BCAS1: variants seen among roughly 807,000 people sequenced by gnomAD.
The protein encoded by BCAS1 is brain enriched myelin associated protein 1, also known as breast carcinoma-amplified sequence 1.
A neutral mutation model predicts 65.4 loss-of-function variants in BCAS1; 46 were observed. The observed-to-expected ratio is 0.70, with a 90% confidence interval of 0.55 to 0.90. BCAS1 has a LOEUF of 0.90. Ranked by LOEUF, BCAS1 falls within the 40% of genes least tolerant of loss-of-function variation. BCAS1 has a pLI of 0.00. For missense variants in BCAS1, 793 were observed against 771.2 expected, an observed-to-expected ratio of 1.03 and a Z score of -0.33; for synonymous variants, 298 against 293.5, an observed-to-expected ratio of 1.02 and a Z score of -0.16.
Position 54,068,375 on chromosome 20 carries a change from A to G in BCAS1, c.-6+2058T>C, listed in dbSNP as rs559483895. On this transcript the variant is annotated intron_variant, in intron 1 of 12. Transcript: ENST00000688948. ...AGGTAATTTTAATTGGAGGCTTACT[A>G]TGTGCCAGGCAGCACCAGGGTGAGC... 5.2e-4 allele frequency: 81 copies of G among 154,536 alleles called. 1 individual carries two copies. The South Asian group carries it at 0.015, about 28-fold the overall frequency. 9.6% of individuals were successfully genotyped at this position (154,536 alleles called of 1,614,324 possible).
intron 10 of BCAS1, among the ~76,000 whole-genome samples, chr20:53,962,973 C>T (rs1343749832): frequency 1.3e-5 from 2 of 152,004 alleles, no homozygotes; most frequent in Non-Finnish European, 2.9e-5. Context: ...GCCTCAGCCT[C>T]CTGAGTAGCT....
intron 4 of BCAS1, among the ~76,000 whole-genome samples, chr20:54,010,642 C>T (rs1364545497): frequency 1.3e-5 from 2 of 152,252 alleles, no homozygotes; most frequent in Admixed American, 6.5e-5. Context: ...GGAAGACTCA[C>T]ATAGTAAAGA....
At chr20:54,022,333 T>C (rs2091579420) in intron 4 of BCAS1, among the ~76,000 whole-genome samples, 1 of 152,176 alleles carries the variant, frequency 6.6e-6, no homozygotes, top group Non-Finnish European at 1.5e-5. Context: ...AAAAATGATA[T>C]ATTACCAACC....
intron 3 of BCAS1, among the ~76,000 whole-genome samples, chr20:54,049,486 T>C (rs1263273938): frequency 6.6e-6 from 1 of 151,914 alleles, no homozygotes; most frequent in African/African-American, 2.4e-5. Context: ...GTTTTAGGCA[T>C]AAATAATATG....
intron 8 of BCAS1, among the ~76,000 whole-genome samples, chr20:53,978,939 A>G (rs1415280372): frequency 6.6e-6 from 1 of 152,228 alleles, no homozygotes; most frequent in Non-Finnish European, 1.5e-5. Context: ...GCTGACTGTT[A>G]GACTATCTAC....
chr20:53,974,603 T>C (rs1405770287), intron 9 of BCAS1, among the ~76,000 whole-genome samples: 1 of 152,228 alleles, frequency 6.6e-6, no homozygotes, highest in Admixed American at 6.5e-5. Context: ...CAAGTTTTGC[T>C]TTGGCAACAT....
chr20:54,058,049 C>A (rs929616769), intron 3 of BCAS1, 36 bp downstream of exon 3: 20 of 1,533,196 alleles, frequency 1.3e-5, no homozygotes, highest in Non-Finnish European at 1.8e-5. Flanking sequence ...CCCTTCCCCA[C>A]GAGAGGGTAG....
intron 4 of BCAS1, among the ~76,000 whole-genome samples, chr20:53,998,164 T>C (rs2090966573): frequency 6.6e-6 from 1 of 152,214 alleles, no homozygotes; most frequent in South Asian, 2.1e-4. Flanking sequence ...TCCTGGATTT[T>C]ATACTTTCTC....
At position 54,067,583 on chromosome 20, in the gene BCAS1, C is replaced by T. The variant is rs187374882; in HGVS notation, c.-6+2850G>A. ...GTGAATTGGCCTCCTGGAAGCTGCC[C>T]TCAAATCCCTCCTCTTTTACACAGT... On this transcript the variant is annotated intron_variant, in intron 1 of 12. Transcript: ENST00000688948. Among the ~76,000 whole-genome samples the T allele has an allele frequency of 3.5e-4, 54 of 152,280 alleles. 1 individual carries two copies. The Middle Eastern group carries it at 0.01, about 29-fold the overall frequency.
chr20:54,017,535 A>G (rs890957640), intron 4 of BCAS1, among the ~76,000 whole-genome samples: 5 of 151,718 alleles, frequency 3.3e-5, no homozygotes, highest in African/African-American at 1.2e-4. Flanking sequence ...AGCTGAGATT[A>G]TAGGCGTGCA....
intron 4 of BCAS1, among the ~76,000 whole-genome samples, chr20:54,005,493 A>G (rs1489335312): frequency 6.6e-6 from 1 of 152,156 alleles, no homozygotes; most frequent in Non-Finnish European, 1.5e-5. Flanking sequence ...GTCTCAAGAT[A>G]AAAAGAAAAA....
chr20:53,966,054 T>C (rs566124746), intron 10 of BCAS1, among the ~76,000 whole-genome samples: 1 of 152,300 alleles, frequency 6.6e-6, no homozygotes, highest in African/African-American at 2.4e-5. Context: ...ACAACCACTA[T>C]AGAAAACAGT....
At chr20:53,989,060 A>G (rs1252219944) in intron 7 of BCAS1, among the ~76,000 whole-genome samples, 1 of 152,228 alleles carries the variant, frequency 6.6e-6, no homozygotes, top group Non-Finnish European at 1.5e-5. Flanking sequence ...CAAATTAGAT[A>G]TTAACATGGT....
chr20:53,969,969 A>G (rs1309040786), intron 9 of BCAS1, among the ~76,000 whole-genome samples: 2 of 152,208 alleles, frequency 1.3e-5, no homozygotes, highest in Non-Finnish European at 2.9e-5. Flanking sequence ...TTGGGGGTAT[A>G]AAGTTGGCAA....
intron 4 of BCAS1, among the ~76,000 whole-genome samples, chr20:54,025,818 T>C (rs972926619): frequency 2.6e-5 from 4 of 152,072 alleles, no homozygotes; most frequent in Non-Finnish European, 4.4e-5. Context: ...GAGGGTTGGA[T>C]TGTCCCATTA....
At chr20:53,993,717 C>T (rs536085670) in intron 6 of BCAS1, among the ~76,000 whole-genome samples, 13 of 152,286 alleles carry the variant, frequency 8.5e-5, no homozygotes, top group Non-Finnish European at 1.5e-4. Flanking sequence ...AAAAGAAATA[C>T]GTTTTGCCCC....
chr20:54,003,828 G>A (rs577258482), intron 4 of BCAS1, among the ~76,000 whole-genome samples: 3 of 152,272 alleles, frequency 2.0e-5, no homozygotes, highest in African/African-American at 7.2e-5. Context: ...AAAGTGTTTT[G>A]CTTTGGAAGA....
intron 3 of BCAS1, among the ~76,000 whole-genome samples, chr20:54,035,064 G>C (rs998360261): frequency 6.6e-6 from 1 of 151,140 alleles, no homozygotes; most frequent in Non-Finnish European, 1.5e-5. Flanking sequence ...AAAAGTGCTG[G>C]GATAACCGGC....
Position 53,960,061 on chromosome 20 carries a change from C to T in BCAS1, c.1486-2564G>A, listed in dbSNP as rs149861508. On this transcript the variant is annotated intron_variant, in intron 10 of 12. Transcript: ENST00000688948. ...CCTACTCAAGCCCATTCCCAAGTGG[C>T]CTTTACACTGTGGCTTTGGATCATA... 4.1e-3 allele frequency among the ~76,000 whole-genome samples: 617 copies of T among 152,298 alleles called. 4 individuals are homozygous for T. The highest frequency in any genetic ancestry group is 0.014 in the African/African-American group (563 of 41,558).
Sources: allele counts gnomAD v4.1 joint callset (sites outside exome capture counted in the v4.1 genomes callset), GRCh38; gene constraint gnomAD v4.1.1; transcripts MANE v1.5; gene names NCBI Gene and HGNC (gene_info 2026-07-23, HGNC 2026-07-21).